ADGRB3: variants seen among roughly 807,000 people sequenced by gnomAD.
ADGRB3 encodes the protein brain-specific angiogenesis inhibitor 3.
A neutral mutation model predicts 193.4 loss-of-function variants in ADGRB3; 37 were observed. The ratio of observed to expected loss-of-function variants is 0.19; its 90% CI spans 0.15 to 0.25. ADGRB3 has a LOEUF of 0.25. ADGRB3 is among the 10% of genes least tolerant of loss of function. ADGRB3 has a pLI of 1.00. For synonymous variants in ADGRB3, 690 were observed against 644.2 expected (o/e 1.07, Z -1.08); for missense variants, 1,637 against 1,852.9 (o/e 0.88, Z 2.14).
chr6:68,806,803 C>T (rs1025801231), intron 3 of ADGRB3, among the ~76,000 whole-genome samples: 1 of 151,548 alleles, frequency 6.6e-6, no homozygotes, highest in Non-Finnish European at 1.5e-5. Flanking sequence ...GAATATATAC[C>T]ATAATTTTAG....
intron 3 of ADGRB3, among the ~76,000 whole-genome samples, chr6:68,724,663 ATT>A (rs35845748): frequency 5.3e-4 from 77 of 144,500 alleles, no homozygotes; most frequent in Admixed American, 6.3e-4. Flanking sequence ...AAAAACCCAT[ATT>A]TTTTTTTTTT....
intron 24 of ADGRB3, among the ~76,000 whole-genome samples, chr6:69,336,358 C>G (rs76567210): frequency 6.6e-6 from 1 of 151,074 alleles, no homozygotes; most frequent in Non-Finnish European, 1.5e-5. Flanking sequence ...GTCTTATGTA[C>G]CTGAAACTAA....
chr6:69,344,177 G>A (rs1337897849), intron 26 of ADGRB3, among the ~76,000 whole-genome samples: 1 of 152,136 alleles, frequency 6.6e-6, no homozygotes, highest in East Asian at 1.9e-4. Flanking sequence ...AAAGGAAAGT[G>A]CTTAAATGGA....
intron 20 of ADGRB3, among the ~76,000 whole-genome samples, chr6:69,304,591 A>C (rs1302977508): frequency 6.6e-6 from 1 of 151,484 alleles, no homozygotes; most frequent in Admixed American, 6.6e-5. Context: ...TGACAGTTAT[A>C]TTTTGTCAGT....
intron 17 of ADGRB3, among the ~76,000 whole-genome samples, chr6:69,181,574 T>C (rs188340173): frequency 1.6e-4 from 25 of 152,316 alleles, no homozygotes; most frequent in African/African-American, 5.3e-4. Context: ...TACATTAATA[T>C]CATTTTTAAA....
At chr6:69,097,760 A>G (rs912914862) in intron 17 of ADGRB3, among the ~76,000 whole-genome samples, 4 of 152,148 alleles carry the variant, frequency 2.6e-5, no homozygotes, top group African/African-American at 9.7e-5. Context: ...AAACCTAGAC[A>G]TATCAAACAC....
At chr6:69,211,972 G>A (rs764026661) in intron 17 of ADGRB3, among the ~76,000 whole-genome samples, 4 of 152,134 alleles carry the variant, frequency 2.6e-5, no homozygotes, top group Non-Finnish European at 5.9e-5. Flanking sequence ...AATGTACAGA[G>A]AGATAAGCTC....
At chr6:69,121,499 C>T (rs12190628) in intron 17 of ADGRB3, among the ~76,000 whole-genome samples, 18 of 152,280 alleles carry the variant, frequency 1.2e-4, no homozygotes, top group South Asian at 4.1e-4. Flanking sequence ...CATCATGGCC[C>T]GTTCTCGATG....
chr6:69,260,934 G>T (rs1226601103), intron 20 of ADGRB3, among the ~76,000 whole-genome samples: 1 of 152,086 alleles, frequency 6.6e-6, no homozygotes, highest in Non-Finnish European at 1.5e-5. Flanking sequence ...GACCAAATCT[G>T]CCCTCAGTCT....
chr6:69,313,335 T>A (rs1768238803), intron 20 of ADGRB3, among the ~76,000 whole-genome samples: 1 of 151,806 alleles, frequency 6.6e-6, no homozygotes, highest in Non-Finnish European at 1.5e-5. Flanking sequence ...TATACCAGGA[T>A]GCCCCTAAAT....
At chr6:68,938,599 C>A (rs563681205) in intron 5 of ADGRB3, among the ~76,000 whole-genome samples, 6 of 151,968 alleles carry the variant, frequency 3.9e-5, no homozygotes, top group Admixed American at 3.3e-4. Flanking sequence ...AGTCATTAAC[C>A]ATAGTCACCA....
At chr6:68,759,366 T>C (rs1349334464) in intron 3 of ADGRB3, among the ~76,000 whole-genome samples, 1 of 152,148 alleles carries the variant, frequency 6.6e-6, no homozygotes, top group East Asian at 1.9e-4. Flanking sequence ...TTACATAGTT[T>C]TGAGAACTTT....
chr6:68,977,546 T>C (rs1468295839), intron 10 of ADGRB3, among the ~76,000 whole-genome samples: 1 of 152,168 alleles, frequency 6.6e-6, no homozygotes, highest in Non-Finnish European at 1.5e-5. Flanking sequence ...CATCTGATAA[T>C]GGATTAAGAT....
chr6:69,359,125 CA>C (rs1769392510), intron 28 of ADGRB3, among the ~76,000 whole-genome samples: 1 of 151,398 alleles, frequency 6.6e-6, no homozygotes, highest in African/African-American at 2.4e-5. Flanking sequence ...TTTAATGAAA[CA>C]AAATAGGTTC....
chr6:68,869,333 T>G (rs1327189191), intron 3 of ADGRB3, among the ~76,000 whole-genome samples: 3 of 152,164 alleles, frequency 2.0e-5, no homozygotes, highest in Admixed American at 6.5e-5. Context: ...ATAGTTAAAA[T>G]TATTTATAGA....
intron 3 of ADGRB3, among the ~76,000 whole-genome samples, chr6:68,891,764 G>A (rs1297456571): frequency 6.6e-6 from 1 of 152,178 alleles, no homozygotes; most frequent in African/African-American, 2.4e-5. Context: ...TGTCTGGAGT[G>A]GAGGAAGAGG....
chr6:68,778,878 C>T (rs1210325397), intron 3 of ADGRB3, among the ~76,000 whole-genome samples: 1 of 151,958 alleles, frequency 6.6e-6, no homozygotes, highest in Non-Finnish European at 1.5e-5. Context: ...CTCAGTTAGG[C>T]TTCCAAGGAT....
chr6:68,788,989 T>C (rs1198334948), intron 3 of ADGRB3, among the ~76,000 whole-genome samples: 1 of 152,206 alleles, frequency 6.6e-6, no homozygotes, highest in Non-Finnish European at 1.5e-5. Context: ...CTGCCTTTTT[T>C]TGTTTTCCAT....
intron 11 of ADGRB3, among the ~76,000 whole-genome samples, chr6:69,010,938 T>C (rs1050304639): frequency 2.3e-4 from 35 of 152,012 alleles, no homozygotes; most frequent in Non-Finnish European, 3.2e-4. Context: ...AAAAGAACAC[T>C]GGCAAGTAGT....
Sources: allele counts gnomAD v4.1 joint callset (sites outside exome capture counted in the v4.1 genomes callset), GRCh38; gene constraint gnomAD v4.1.1; transcripts MANE v1.5; gene names NCBI Gene and HGNC (gene_info 2026-07-23, HGNC 2026-07-21).